ERICH6B: variants seen among roughly 807,000 people sequenced by gnomAD.
The protein encoded by ERICH6B is glutamate-rich protein 6B.
ERICH6B carries 69 observed loss-of-function variants against 80.0 expected under a neutral mutation model. That is an observed-to-expected ratio of 0.86 (90% CI 0.71 to 1.05). The LOEUF is 1.05. ERICH6B is among the 50% of genes least tolerant of loss of function. The pLI, the probability that ERICH6B is intolerant of heterozygous loss-of-function variation, is 0.00. For synonymous variants in ERICH6B, 283 were observed against 291.9 expected (o/e 0.97, Z 0.31); for missense variants, 754 against 796.1 (o/e 0.95, Z 0.64).
chr13:45,567,261 G>C (rs920154457), intron 9 of ERICH6B, among the ~76,000 whole-genome samples: 1 of 152,178 alleles, frequency 6.6e-6, no homozygotes, highest in African/African-American at 2.4e-5. Flanking sequence ...ACTTCGGACT[G>C]TAAACTTTTG....
chr13:45,561,256 G>T, intron 11 of ERICH6B, 113 bp downstream of exon 11: 1 of 1,072,108 alleles, frequency 9.3e-7, no homozygotes, highest in Non-Finnish European at 1.3e-6. Flanking sequence ...ATGCATTTTT[G>T]TGTTTACATT....
At position 45,578,684 on chromosome 13, in the gene ERICH6B, A is replaced by G. The variant is rs191292345; in HGVS notation, c.961+1249T>C. ...GGGTTGGGTTGGGCTGGTGGCTGCT[A>G]TGGACACAAATCTATAAATTGTTCT... On this transcript the variant is annotated intron_variant, in intron 7 of 14. Coordinates refer to ENST00000298738, the MANE Select transcript of ERICH6B (RefSeq NM_182542.3). Among the ~76,000 whole-genome samples the G allele has an allele frequency of 1.9e-3, 286 of 152,322 alleles. 1 individual carries two copies. The highest frequency in any genetic ancestry group is 6.6e-3 in the African/African-American group (275 of 41,566).
chr13:45,560,311 A>C (rs1278708280), intron 11 of ERICH6B, among the ~76,000 whole-genome samples: 1 of 152,234 alleles, frequency 6.6e-6, no homozygotes, highest in Non-Finnish European at 1.5e-5. Flanking sequence ...ACCATGAGAT[A>C]GATTTTTTAT....
chr13:45,604,833 G>T (rs928083264), intron 2 of ERICH6B, among the ~76,000 whole-genome samples: 3 of 152,094 alleles, frequency 2.0e-5, no homozygotes, highest in African/African-American at 7.2e-5. Flanking sequence ...AGGCTGAGAT[G>T]GGAGGATCAC....
chr13:45,612,765 C>G (rs1313151571), intron 1 of ERICH6B, among the ~76,000 whole-genome samples: 2 of 152,132 alleles, frequency 1.3e-5, no homozygotes, highest in Non-Finnish European at 1.5e-5. Context: ...ACAGAAGCAG[C>G]AAGCATTCTA....
At chr13:45,583,204 A>G (rs192139580) in intron 5 of ERICH6B, among the ~76,000 whole-genome samples, 49 of 152,316 alleles carry the variant, frequency 3.2e-4, no homozygotes, top group African/African-American at 1.2e-3. Flanking sequence ...AATAGCAATT[A>G]AACAACTTGA....
Position 45,587,062 on chromosome 13 carries a change from C to A in ERICH6B, c.856+1G>T. ...CACCGACAGAGCGCAGCTTCCCTCA[C>A]CGGCAGTTCTGTCGTAGCACCAGTC... On this transcript the variant is annotated splice_donor_variant, in intron 5 of 14. Transcript: ENST00000298738. LOFTEE classifies it high-confidence loss of function. 1 of 1,551,074 alleles carries A rather than the reference C, an allele frequency of 6.4e-7. No individual in the cohort carries two copies. Among genetic ancestry groups the A allele is most frequent in the Non-Finnish European group, 8.7e-7 (1 of 1,146,616 alleles).
rs1230304934 is a variant in ERICH6B, at chr13:45,573,976, C to CT, written c.1050+865dup. Among the ~76,000 whole-genome samples, 4 of 152,166 alleles carry CT rather than the reference C, an allele frequency of 2.6e-5. No homozygotes were observed. In the South Asian group the frequency reaches 6.2e-4, roughly 24 times the overall value. ...CCTTCATTGCAGTATTTCAGTAAAT[C>CT]TTAGTAATACGGTGCTGTAGAGAGG... On this transcript the variant is annotated intron_variant, in intron 8 of 14. Transcript: ENST00000298738.
intron 1 of ERICH6B, among the ~76,000 whole-genome samples, chr13:45,607,854 CT>C (rs1949877825): frequency 6.6e-6 from 1 of 152,198 alleles, no homozygotes; most frequent in Middle Eastern, 3.2e-3. Context: ...ACCGCCACCC[CT>C]GAATGGCATC....
At chr13:45,576,870 T>C (rs1875428850) in intron 7 of ERICH6B, among the ~76,000 whole-genome samples, 2 of 152,320 alleles carry the variant, frequency 1.3e-5, no homozygotes, top group South Asian at 4.1e-4. Flanking sequence ...CTGGGCACTG[T>C]CAACATGTCA....
intron 2 of ERICH6B, among the ~76,000 whole-genome samples, chr13:45,597,861 ACTC>A: frequency 6.6e-6 from 1 of 150,964 alleles, no homozygotes; most frequent in South Asian, 2.1e-4. Flanking sequence ...GAATTCTTCC[ACTC>A]CTCCTCCTCT....
chr13:45,550,559 A>T (rs1044032772), intron 11 of ERICH6B, among the ~76,000 whole-genome samples: 3 of 152,190 alleles, frequency 2.0e-5, no homozygotes, highest in Admixed American at 2.0e-4. Flanking sequence ...TATTGATTGC[A>T]TTAGATTCCC....
At chr13:45,566,735 A>G (rs566530767) in intron 9 of ERICH6B, among the ~76,000 whole-genome samples, 1 of 152,342 alleles carries the variant, frequency 6.6e-6, no homozygotes, top group Admixed American at 6.5e-5. Flanking sequence ...GTCCTCATGG[A>G]GAATCTCTGC....
intron 11 of ERICH6B, among the ~76,000 whole-genome samples, chr13:45,557,017 G>A (rs1327543889): frequency 1.3e-5 from 2 of 152,130 alleles, no homozygotes; most frequent in Non-Finnish European, 2.9e-5. Flanking sequence ...TCTCCACACT[G>A]TTTTCCATAG....
chr13:45,549,686 C>T (rs1437864247), intron 13 of ERICH6B, among the ~76,000 whole-genome samples: 1 of 152,228 alleles, frequency 6.6e-6, no homozygotes, highest in Non-Finnish European at 1.5e-5. Context: ...GGCTATTTCA[C>T]ACATGGAGGA....
chr13:45,542,424 C>A (rs1035888452), intron 14 of ERICH6B, among the ~76,000 whole-genome samples: 4 of 152,174 alleles, frequency 2.6e-5, no homozygotes, highest in Non-Finnish European at 5.9e-5. Flanking sequence ...GTGGGCTGAC[C>A]CTGTGCCAGG....
chr13:45,613,333 G>A (rs1949910503), intron 1 of ERICH6B, among the ~76,000 whole-genome samples: 1 of 152,102 alleles, frequency 6.6e-6, no homozygotes, highest in African/African-American at 2.4e-5. Flanking sequence ...TGTACAGACT[G>A]GTTTGATTAG....
At chr13:45,591,658 G>A (rs941942510) in intron 3 of ERICH6B, among the ~76,000 whole-genome samples, 3 of 152,136 alleles carry the variant, frequency 2.0e-5, no homozygotes, top group African/African-American at 7.2e-5. Flanking sequence ...TGGGCAAATG[G>A]TGAAGTTATA....
intron 6 of ERICH6B, among the ~76,000 whole-genome samples, 199 bp from the exon 7 acceptor site, chr13:45,580,173 T>G (rs548807800): frequency 6.6e-6 from 1 of 152,258 alleles, no homozygotes; most frequent in African/African-American, 2.4e-5. Context: ...CACCGAATAT[T>G]GATTCCCCTC....
Sources: gnomAD v4.1 joint callset for allele counts (sites outside exome capture counted in the v4.1 genomes callset) on GRCh38, gnomAD v4.1.1 for gene constraint, MANE v1.5 for transcripts, NCBI Gene and HGNC (gene_info 2026-07-23, HGNC 2026-07-21) for gene names.